The following EXOC3L2 variants were observed in gnomAD, a reference collection of about 807,000 sequenced individuals.
The protein encoded by EXOC3L2 is exocyst complex component 3 like 2.
In EXOC3L2, 17 loss-of-function variants were observed where a neutral mutation model predicts 44.4. That is an observed-to-expected ratio of 0.38 (90% CI 0.26 to 0.57). The LOEUF (loss-of-function observed/expected upper bound fraction) is 0.57. Ranked by LOEUF, EXOC3L2 falls within the 20% of genes least tolerant of loss-of-function variation. EXOC3L2 has a pLI of 0.65. For missense variants in EXOC3L2, 541 were observed against 588.4 expected (o/e 0.92, Z 0.83); for synonymous variants, 256 against 253.7 (o/e 1.01, Z -0.09).
rs202064916 is a variant in EXOC3L2 at position 45,231,846 on chromosome 19, C to T, written c.1186G>A (p.Ala396Thr). 1.8e-5 allele frequency: 29 copies of T among 1,608,474 alleles called. No individual in the cohort carries two copies. Among genetic ancestry groups the T allele is most frequent in the Middle Eastern group, 3.3e-4 (2 of 6,034 alleles). ...GGCCCCAGCTCCCCATTCTCCAGGG[C>T]GGCCATGTCCACCAGCCCTAGGACC... Reference protein sequence around the residue: ...REVLGLVDMAALENGELGPLL... With the variant: ...REVLGLVDMATLENGELGPLL... Residue 396 changes from alanine to threonine, a missense_variant, in exon 4 of 12, where the codon GCC (alanine) becomes ACC (threonine). By Grantham distance (58) the Ala-to-Thr change is moderately conservative. Transcript: ENST00000413988.
At position 45,216,146 on chromosome 19, in the gene EXOC3L2, C is replaced by T. The variant is rs1250439998; in HGVS notation, c.2047G>A (p.Val683Ile). Residue 683 changes from valine (V) to isoleucine (I), a missense_variant, in exon 11 of 12, where the codon GTC (valine) becomes ATC (isoleucine). Transcript: ENST00000413988. Reference sequence around the variant, plus strand: ...CTGGGCGTGTCTTCCAGCTGCATGACTTCAGCCAAATGGGGCACCACGGCA... The same window carrying T: ...CTGGGCGTGTCTTCCAGCTGCATGATTTCAGCCAAATGGGGCACCACGGCA... ...LDAVVPHLAE[V>I]MQLEDTPSIQ... is the part of the protein sequence containing the mutation. 11 of 1,613,930 alleles carry T rather than the reference C, an allele frequency of 6.8e-6. No homozygotes were observed. The highest frequency in any genetic ancestry group is 9.3e-6 in the Non-Finnish European group (11 of 1,180,022).
intron 4 of EXOC3L2, 68 bp from the exon 5 acceptor site, chr19:45,228,334 T>C (rs1260646767): frequency 3.7e-5 from 50 of 1,356,748 alleles, no homozygotes; most frequent in Non-Finnish European, 4.8e-5. Context: ...TTTATCTCTT[T>C]CTCCCACCAC....
chr19:45,240,914 A>G (rs1020469028), intron 1 of EXOC3L2, among the ~76,000 whole-genome samples: 1 of 152,082 alleles, frequency 6.6e-6, no homozygotes, highest in Non-Finnish European at 1.5e-5. Flanking sequence ...AAAAAATAAA[A>G]TAAAACAAAA....
intron 2 of EXOC3L2, among the ~76,000 whole-genome samples, chr19:45,235,788 C>T (rs1024089667): frequency 6.6e-6 from 1 of 152,162 alleles, no homozygotes; most frequent in African/African-American, 2.4e-5. Flanking sequence ...CCCTCCCAGT[C>T]CCCAGGGAGC....
At chr19:45,232,247 C>T (rs1019367059) in intron 3 of EXOC3L2, among the ~76,000 whole-genome samples, 1 of 152,128 alleles carries the variant, frequency 6.6e-6, no homozygotes, top group African/African-American at 2.4e-5. Context: ...CCTCTCTCCC[C>T]ACCTTCTACG....
In EXOC3L2 at chr19:45,216,180, C is replaced by T. The variant is rs1482757962; in HGVS notation, c.2013G>A (p.Ser671=). ...RLFRRLESQA[S]WLDAVVPHLA... ...AATGGGGCACCACGGCATCCAGCCA[C>T]GAGGCCTGGGACTCCTGCAGGGGAG... Residue 671 remains serine, a synonymous_variant, in exon 11 of 12, where the codon TCG becomes TCA. Coordinates refer to ENST00000413988, the MANE Select transcript of EXOC3L2 (RefSeq NM_001382422.1). 13 of 1,613,734 alleles carry T rather than the reference C, an allele frequency of 8.1e-6. No homozygotes were observed. The highest frequency in any genetic ancestry group is 4.4e-5 in the South Asian group (4 of 91,086).
chr19:45,223,130 C>A (rs1387367336), intron 8 of EXOC3L2, among the ~76,000 whole-genome samples: 1 of 152,082 alleles, frequency 6.6e-6, no homozygotes, highest in African/African-American at 2.4e-5. Context: ...TAGCTCACAC[C>A]TATAATCCCA....
chr19:45,218,397 C>T, intron 8 of EXOC3L2, 78 bp from the exon 9 acceptor site: 1 of 1,456,866 alleles, frequency 6.9e-7, no homozygotes, highest in Non-Finnish European at 9.1e-7. Flanking sequence ...TTCCTGCAAC[C>T]CTGCTCCGTG....
Position 45,212,460 on chromosome 19 carries a change from G to T in EXOC3L2, c.*609C>A, listed in dbSNP as rs1040236161. Among the ~76,000 whole-genome samples the T allele has an allele frequency of 6.6e-6, 1 of 152,102 alleles. No homozygotes were observed. The highest frequency in any genetic ancestry group is 1.5e-5 in the Non-Finnish European group (1 of 68,024). Reference sequence around the variant, plus strand: ...AGACCTTGAGGTGAGGGAAAGGGGCGGGGGAGCTGGGATATTTCTGTAGAG... The same window carrying T: ...AGACCTTGAGGTGAGGGAAAGGGGCTGGGGAGCTGGGATATTTCTGTAGAG... On this transcript the variant is annotated 3_prime_UTR_variant, in exon 12 of 12. Transcript: ENST00000413988.
intron 2 of EXOC3L2, among the ~76,000 whole-genome samples, chr19:45,235,665 C>T (rs765802423): frequency 1.3e-5 from 2 of 152,146 alleles, no homozygotes; most frequent in African/African-American, 2.4e-5. Context: ...GACACCTCCA[C>T]CCCCCTCCAC....
At position 45,234,266 on chromosome 19, in the gene EXOC3L2, C is replaced by T. The variant is rs1970059686; in HGVS notation, c.1084G>A (p.Ala362Thr). Residue 362 changes from alanine (A) to threonine (T), a missense_variant, in exon 3 of 12, where the codon GCC (alanine) becomes ACC (threonine). Ala to Thr is a moderately conservative substitution (Grantham distance 58). Transcript: ENST00000413988. This position sits in a 1 kb window ranked among gnomAD's most constrained non-coding sequence, Gnocchi z 5.0. Reference sequence around the variant, plus strand: ...AGCGGCAGCCTGCGACGGGCGGAGGCCCCCAGCCACTCGGCCAGGGCCCCG... The same window carrying T: ...AGCGGCAGCCTGCGACGGGCGGAGGTCCCCAGCCACTCGGCCAGGGCCCCG... ...YHGALAEWLG[A>T]SARRRLPLAD... 2.5e-6 allele frequency: 1 copy of T among 395,616 alleles called. No homozygotes were observed. The allele number at this position is 395,616 out of a possible 1,614,324, so 24.5% of individuals were successfully genotyped here.
At chr19:45,214,456 G>GTGTT (rs57770472) in intron 11 of EXOC3L2, among the ~76,000 whole-genome samples, 19,832 of 151,398 alleles carry the variant, frequency 0.13, 1,620 homozygotes, top group African/African-American at 0.24. Context: ...GTTTTTTTGT[G>GTGTT]TGTTTGTTTG....
In EXOC3L2 at chr19:45,234,724, G is replaced by T. The variant is rs559987384; in HGVS notation, c.626C>A (p.Ala209Glu). 2,264 of 392,702 alleles carry T rather than the reference G, an allele frequency of 5.8e-3. 46 individuals are homozygous for T. The highest frequency in any genetic ancestry group is 0.043 in the African/African-American group (2,102 of 48,384). The allele number at this position is 392,702 out of a possible 1,614,324, so 24.3% of individuals were successfully genotyped here. The change falls in exon 3 of 12, where the codon GCG (alanine) becomes GAG (glutamate). Residue 209 changes from alanine (A) to glutamate (E), a missense_variant. Transcript: ENST00000413988. The surrounding 1 kb of genome is among the most constrained non-coding windows in gnomAD (Gnocchi z 5.0). ...GCCCTCGGCCTTGGGAGGCCCAGGCGCGCCGCCCCTCGACGGCGCCAGCTC... is the reference window on the plus strand; with the variant it reads ...GCCCTCGGCCTTGGGAGGCCCAGGCTCGCCGCCCCTCGACGGCGCCAGCTC... The part of the protein sequence containing the change: ...AEELAPSRGG[A>E]PGPPKAEGAG...
rs556340202 is a variant in EXOC3L2 at position 45,238,894 on chromosome 19, G to A, written c.152C>T (p.Ser51Phe). The change falls in exon 2 of 12, where the codon TCT becomes TTT. Residue 51 changes from serine (S) to phenylalanine (F), a missense_variant. Physicochemically the swap from Ser to Phe is radical, Grantham distance 155. Transcript: ENST00000413988. This position sits in a 1 kb window ranked among gnomAD's most constrained non-coding sequence, Gnocchi z 5.5. ...GELGSLPNGTSCRRRATLEKL... is the reference protein window; with the variant it reads ...GELGSLPNGTFCRRRATLEKL... ...CTCCAGGGTGGCGCGGCGGCGACAA[G>A]ATGTTCCATTGGGGAGGGACCCCAG... The A allele has an allele frequency of 1.0e-5, 4 of 399,236 alleles. No individual in the cohort carries two copies. The South Asian group carries it at 5.1e-4, about 51-fold the overall frequency. The allele number at this position is 399,236 out of a possible 1,614,324, so 24.7% of individuals were successfully genotyped here.
Position 45,226,687 on chromosome 19 carries a change from C to T in EXOC3L2, c.1583+975G>A, listed in dbSNP as rs555964336. Among the ~76,000 whole-genome samples the T allele has an allele frequency of 8.6e-5, 13 of 150,986 alleles. No individual in the cohort carries two copies. The South Asian group carries it at 2.7e-3, about 32-fold the overall frequency. ...CTGACCTGAGATGAACTGCTCGCCT[C>T]GGCCTCCCAAAGTGCTGGGATTACA... On this transcript the variant is annotated intron_variant, in intron 7 of 11. Coordinates refer to ENST00000413988, the MANE Select transcript of EXOC3L2 (RefSeq NM_001382422.1).
At chr19:45,214,289 T>C (rs1219021057) in intron 11 of EXOC3L2, among the ~76,000 whole-genome samples, 1 of 152,086 alleles carries the variant, frequency 6.6e-6, no homozygotes, top group Non-Finnish European at 1.5e-5. Flanking sequence ...CATGCCTCAC[T>C]CCTTGTTTTT....
chr19:45,219,535 T>C (rs1599761148), intron 8 of EXOC3L2, among the ~76,000 whole-genome samples: 1 of 152,206 alleles, frequency 6.6e-6, no homozygotes, highest in South Asian at 2.1e-4. Flanking sequence ...GAAAACATGT[T>C]CCCCATCTGG....
chr19:45,237,872 C>T (rs1169492513), intron 2 of EXOC3L2, among the ~76,000 whole-genome samples: 3 of 152,176 alleles, frequency 2.0e-5, no homozygotes, highest in Admixed American at 1.3e-4. Flanking sequence ...GGCCACACGC[C>T]GTGGCTCAAG....
At chr19:45,229,956 C>T (rs8110977) in intron 4 of EXOC3L2, among the ~76,000 whole-genome samples, 16,023 of 145,440 alleles carry the variant, frequency 0.11, 1,323 homozygotes, top group African/African-American at 0.23. Context: ...ATAATGTATA[C>T]TTAATATTTA....
Sources: allele counts gnomAD v4.1 joint callset (sites outside exome capture counted in the v4.1 genomes callset), GRCh38; gene constraint gnomAD v4.1.1; non-coding constraint Gnocchi (gnomAD v3.1); transcripts MANE v1.5; gene names NCBI Gene and HGNC (gene_info 2026-07-23, HGNC 2026-07-21).